Variants in ASIP observed in about 807,000 individuals in gnomAD.
The protein encoded by ASIP is agouti-signaling protein.
ASIP carries 11 observed loss-of-function variants against 10.3 expected under a neutral mutation model. The observed-to-expected ratio is 1.07, with a 90% CI of 0.68 to 1.78. The LOEUF is 1.78. ASIP is among the 40% of genes most tolerant of loss of function. ASIP has a pLI of 0.00. For synonymous variants in ASIP, 70 were observed against 70.8 expected, an observed-to-expected ratio of 0.99 and a Z score of 0.06; for missense variants, 180 against 169.2, an observed-to-expected ratio of 1.06 and a Z score of -0.35.
At chr20:34,211,180 C>A (rs2034972391) in intron 1 of ASIP, among the ~76,000 whole-genome samples, 1 of 152,188 alleles carries the variant, frequency 6.6e-6, no homozygotes, top group East Asian at 1.9e-4. Context: ...CAGGAGCATG[C>A]CACCATGCCT....
chr20:34,255,830 G>GCA (rs2035558116), intron 1 of ASIP, among the ~76,000 whole-genome samples: 1 of 152,178 alleles, frequency 6.6e-6, no homozygotes, highest in Non-Finnish European at 1.5e-5. Context: ...GTGGACCTTG[G>GCA]TCTAGTGGTA....
In ASIP at chr20:34,233,143, CTT is replaced by C. The variant is rs755217642; in HGVS notation, c.-10-27201_-10-27200del. 2.8e-3 allele frequency among the ~76,000 whole-genome samples: 284 copies of C among 100,294 alleles called. 1 individual carries two copies. The East Asian group carries it at 0.041, about 14-fold the overall frequency. The allele number at this position is 100,294 out of a possible 152,430, so 65.8% of individuals were successfully genotyped here. A position where few individuals can be genotyped will look rare whatever the true frequency, so the allele number is the denominator to read the frequency against. ...GAGTCAACTGTGAATGGGACAAGAG[CTT>C]TTTTTTTTTTTTTTTTTTTTGATAC... On this transcript the variant is annotated intron_variant, in intron 1 of 3. Coordinates refer to the ASIP transcript ENST00000568305.
intron 1 of ASIP, among the ~76,000 whole-genome samples, chr20:34,201,013 C>CTTCCTTCCTTCCTTCCTTCTTTCTTTCT (rs2034891974): frequency 3.6e-5 from 2 of 55,236 alleles, no homozygotes; most frequent in Non-Finnish European, 6.9e-5. Flanking sequence ...TCCTTCCTTC[C>CTTCCTTCCTTCCTTCCTTCTTTCTTTCT]TTCCTTCTTT....
chr20:34,253,263 G>A (rs1016491970), intron 1 of ASIP, among the ~76,000 whole-genome samples: 4 of 151,110 alleles, frequency 2.6e-5, no homozygotes, highest in African/African-American at 4.9e-5. Context: ...CTGCCACCAC[G>A]CCCGCCTAAT....
At chr20:34,212,325 C>A (rs906498776) in intron 1 of ASIP, among the ~76,000 whole-genome samples, 1 of 152,150 alleles carries the variant, frequency 6.6e-6, no homozygotes, top group African/African-American at 2.4e-5. Flanking sequence ...TATTTTGTGC[C>A]TGTGTGTTCA....
At chr20:34,255,969 C>T (rs1461621859) in intron 1 of ASIP, among the ~76,000 whole-genome samples, 2 of 152,228 alleles carry the variant, frequency 1.3e-5, no homozygotes, top group African/African-American at 4.8e-5. Flanking sequence ...TCAGGCCCAC[C>T]CGCAGCCTCC....
intron 1 of ASIP, among the ~76,000 whole-genome samples, chr20:34,253,509 G>A (rs1197963578): frequency 6.7e-6 from 1 of 150,320 alleles, no homozygotes; most frequent in Admixed American, 6.6e-5. Context: ...GTCTTGCTCC[G>A]TTGCCCAGGC....
At chr20:34,201,013 C>CTTTCTTTCTTTCTTTCTTTTTCTTTCT in intron 1 of ASIP, among the ~76,000 whole-genome samples, 1 of 55,308 alleles carries the variant, frequency 1.8e-5, no homozygotes, top group African/African-American at 9.6e-5. Context: ...TCCTTCCTTC[C>CTTTCTTTCTTTCTTTCTTTTTCTTTCT]TTCCTTCTTT....
the ASIP span, among the ~76,000 whole-genome samples, chr20:34,187,888 C>G: frequency 1.3e-5 from 2 of 152,150 alleles, no homozygotes; most frequent in African/African-American, 4.8e-5. Context: ...GCCAGATCTC[C>G]AAGTCCAAAA....
chr20:34,191,983 G>A (rs778115979), upstream of ASIP, among the ~76,000 whole-genome samples: 22 of 151,952 alleles, frequency 1.4e-4, no homozygotes, highest in Admixed American at 3.3e-4. Flanking sequence ...CACCTGCCTC[G>A]GCCTCCCAGA....
At chr20:34,236,057 GGA>G (rs1370406009) in intron 1 of ASIP, among the ~76,000 whole-genome samples, 55 of 133,058 alleles carry the variant, frequency 4.1e-4, no homozygotes, top group South Asian at 9.9e-4. Context: ...AAGGAAGGAA[GGA>G]GAGAGAGAAA....
chr20:34,242,760 A>T (rs1019464491), intron 1 of ASIP, among the ~76,000 whole-genome samples: 2 of 152,198 alleles, frequency 1.3e-5, no homozygotes, highest in African/African-American at 4.8e-5. Context: ...TTCATCTCAC[A>T]TCAAAGCCTC....
intron 1 of ASIP, among the ~76,000 whole-genome samples, chr20:34,221,301 C>T (rs2035045822): frequency 6.6e-6 from 1 of 152,026 alleles, no homozygotes; most frequent in East Asian, 1.9e-4. Context: ...TGGCGTGAAC[C>T]TGGGAGGCGG....
chr20:34,245,491 G>C (rs559685884), intron 1 of ASIP, among the ~76,000 whole-genome samples: 2 of 151,338 alleles, frequency 1.3e-5, no homozygotes, highest in African/African-American at 4.8e-5. Flanking sequence ...AGGTTCCAGC[G>C]ATTCTCAGGC....
intron 1 of ASIP, among the ~76,000 whole-genome samples, chr20:34,235,791 A>AAG (rs1447964465): frequency 2.5e-5 from 1 of 39,264 alleles, no homozygotes; most frequent in Non-Finnish European, 4.0e-5. Flanking sequence ...AGAAAGAAGA[A>AAG]AGAAAGAAAG....
chr20:34,254,226 C>A (rs2035531973), intron 1 of ASIP, among the ~76,000 whole-genome samples: 1 of 152,194 alleles, frequency 6.6e-6, no homozygotes, highest in South Asian at 2.1e-4. Flanking sequence ...CCACACCCAG[C>A]TAATTTTTGT....
intron 1 of ASIP, among the ~76,000 whole-genome samples, chr20:34,227,956 C>T (rs1401789304): frequency 1.3e-5 from 2 of 152,194 alleles, no homozygotes; most frequent in South Asian, 2.1e-4. Context: ...TAGACTCACA[C>T]ATGTATGGTC....
intron 1 of ASIP, among the ~76,000 whole-genome samples, chr20:34,254,318 C>T (rs2035533437): frequency 1.3e-5 from 2 of 152,162 alleles, no homozygotes; most frequent in Admixed American, 1.3e-4. Context: ...CTGCCTTGGC[C>T]TCCCAAAGTG....
At chr20:34,190,623 CCTTCCTCACTAAGG>C (rs930432161), upstream of ASIP, among the ~76,000 whole-genome samples, 65 of 152,332 alleles carry the variant, frequency 4.3e-4, no homozygotes, top group African/African-American at 1.4e-3. Flanking sequence ...GAACTCACCC[CCTTCCTCACTAAGG>C]CTTCCTCTTC....
Sources: allele counts gnomAD v4.1 joint callset (sites outside exome capture counted in the v4.1 genomes callset), GRCh38; gene constraint gnomAD v4.1.1; transcripts MANE v1.5; gene names NCBI Gene and HGNC (gene_info 2026-07-23, HGNC 2026-07-21).